CRLF1: variants seen among roughly 807,000 people sequenced by gnomAD.
The protein encoded by CRLF1 is cytokine receptor like factor 1, also known as cytokine receptor-like factor 1.
In CRLF1, 36 loss-of-function variants were observed where a neutral mutation model predicts 48.9. That is an observed-to-expected ratio of 0.74 (90% CI 0.56 to 0.97). CRLF1 has a LOEUF of 0.97. CRLF1 is among the 50% of genes least tolerant of loss of function. The pLI is 0.00. For missense variants in CRLF1, 534 were observed against 575.1 expected, an observed-to-expected ratio of 0.93 and a Z score of 0.73; for synonymous variants, 256 against 253.4, an observed-to-expected ratio of 1.01 and a Z score of -0.10.
chr19:18,593,712 C>A, intron 8 of CRLF1, 133 bp from the exon 9 acceptor site: 1 of 1,526,540 alleles, frequency 6.6e-7, no homozygotes, highest in South Asian at 1.2e-5. Flanking sequence ...GGGTCCTGCC[C>A]CTCTCCGGGC....
intron 6 of CRLF1, among the ~76,000 whole-genome samples, chr19:18,594,801 GAA>G (rs1302485556): frequency 2.0e-5 from 3 of 152,138 alleles, no homozygotes; most frequent in Non-Finnish European, 4.4e-5. Context: ...CCGAAAAAGA[GAA>G]AGGGAGAAAG....
intron 1 of CRLF1, among the ~76,000 whole-genome samples, chr19:18,600,262 G>C (rs910295031): frequency 1.3e-5 from 2 of 151,952 alleles, no homozygotes; most frequent in Non-Finnish European, 2.9e-5. Context: ...GCAGTGGCAC[G>C]ATCTCGGCTC....
At chr19:18,593,647 A>C in intron 8 of CRLF1, 68 bp from the exon 9 acceptor site, 3 of 1,560,086 alleles carry the variant, frequency 1.9e-6, no homozygotes, top group Non-Finnish European at 2.6e-6. Context: ...GAGCCACTGA[A>C]GGAGGCTTCA....
At chr19:18,595,800 A>C (rs925131368) in intron 6 of CRLF1, among the ~76,000 whole-genome samples, 1 of 152,236 alleles carries the variant, frequency 6.6e-6, no homozygotes, top group Non-Finnish European at 1.5e-5. Context: ...GAGAAATCCC[A>C]GACAGCAAGA....
intron 8 of CRLF1, 33 bp downstream of exon 8, chr19:18,594,032 T>TTGGCGGCC: frequency 1.4e-6 from 1 of 695,810 alleles, no homozygotes; most frequent in Non-Finnish European, 2.2e-6. Context: ...CTCCCCTTGC[T>TTGGCGGCC]CCCTCCCGCC....
chr19:18,605,881 A>T (rs1279791502), intron 1 of CRLF1, among the ~76,000 whole-genome samples: 4 of 151,718 alleles, frequency 2.6e-5, no homozygotes, highest in African/African-American at 9.7e-5. Flanking sequence ...CCTCTCACCC[A>T]CTCGCTCACA....
In CRLF1 at chr19:18,606,736, G is replaced by A. The variant is rs1221693079; in HGVS notation, c.-80C>T. 6.2e-6 allele frequency: 1 copy of A among 162,510 alleles called. No individual in the cohort carries two copies. Among genetic ancestry groups the A allele is most frequent in the African/African-American group, 2.4e-5 (1 of 40,904 alleles). The allele number at this position is 162,510 out of a possible 1,614,324, so 10.1% of individuals were successfully genotyped here. The stretch of plus-strand genomic sequence containing the variant: ...AGGGCGCGGGACGCAGGCCGGGCGC[G>A]GGAGGGCGCGGGCCAGGCCGCCCGC... On this transcript the variant is annotated 5_prime_UTR_variant, in exon 1 of 9. Transcript: ENST00000392386. The surrounding 1 kb of genome is among the most constrained non-coding windows in gnomAD (Gnocchi z 4.8).
At chr19:18,601,940 C>T (rs1344870631) in intron 1 of CRLF1, among the ~76,000 whole-genome samples, 3 of 152,184 alleles carry the variant, frequency 2.0e-5, no homozygotes, top group Non-Finnish European at 2.9e-5. Flanking sequence ...GCAAACTGCA[C>T]GTCCCCAACT....
chr19:18,601,346 G>A (rs1370797603), intron 1 of CRLF1, among the ~76,000 whole-genome samples: 1 of 151,580 alleles, frequency 6.6e-6, no homozygotes, highest in African/African-American at 2.4e-5. Flanking sequence ...GCACGATCTC[G>A]GCTCACCGCA....
At position 18,593,402 on chromosome 19, in the gene CRLF1, C is replaced by T. The variant is rs1976081966; in HGVS notation, c.*164G>A. ...ACTGGGGTGCACCCAAAGGTGGCCT[C>T]ACGTGGGAGTCAGAGCTGTTATGGC... On this transcript the variant is annotated 3_prime_UTR_variant, in exon 9 of 9. Coordinates refer to ENST00000392386, the MANE Select transcript of CRLF1 (RefSeq NM_004750.5). 1.3e-5 allele frequency: 12 copies of T among 953,878 alleles called. No homozygotes were observed. Among genetic ancestry groups the T allele is most frequent in the Non-Finnish European group, 1.9e-5 (12 of 636,794 alleles). The allele number at this position is 953,878 out of a possible 1,614,324, so 59.1% of individuals were successfully genotyped here. A position where few individuals can be genotyped will look rare whatever the true frequency, so the allele number is the denominator to read the frequency against.
chr19:18,593,942 G>A, intron 8 of CRLF1, 123 bp downstream of exon 8: 1 of 1,486,700 alleles, frequency 6.7e-7, no homozygotes, highest in Non-Finnish European at 9.1e-7. Context: ...GGAAGAGGAC[G>A]GATTCCATCT....
intron 1 of CRLF1, among the ~76,000 whole-genome samples, chr19:18,600,369 T>C (rs1976204819): frequency 7.2e-6 from 1 of 138,194 alleles, no homozygotes; most frequent in Non-Finnish European, 1.6e-5. Context: ...TGACTAACTT[T>C]TGTATTTTTT....
intron 8 of CRLF1, 35 bp downstream of exon 8, chr19:18,594,030 G>GCGGGGGGGCCCCCCCCCCCCCCC: frequency 7.6e-7 from 1 of 1,315,314 alleles, no homozygotes; most frequent in East Asian, 2.6e-5. Flanking sequence ...CCCTCCCCTT[G>GCGGGGGGGCCCCCCCCCCCCCCC]CTCCCTCCCG....
In CRLF1 at chr19:18,593,241, C is replaced by T. The variant is rs952936633; in HGVS notation, c.*325G>A. The T allele has an allele frequency of 1.4e-5, 5 of 358,120 alleles. No homozygotes were observed. Among genetic ancestry groups the T allele is most frequent in the African/African-American group, 2.1e-5 (1 of 48,712 alleles). 22.2% of individuals were successfully genotyped at this position (358,120 alleles called of 1,614,324 possible). ...AAACTCACCTTCACAATCACAGCACCTAAATAGCTCATTTATTTAAAAGGA... is the reference window on the plus strand; with the variant it reads ...AAACTCACCTTCACAATCACAGCACTTAAATAGCTCATTTATTTAAAAGGA... On this transcript the variant is annotated 3_prime_UTR_variant, in exon 9 of 9. Transcript: ENST00000392386.
At chr19:18,601,112 A>G (rs901802632) in intron 1 of CRLF1, among the ~76,000 whole-genome samples, 1 of 151,926 alleles carries the variant, frequency 6.6e-6, no homozygotes, top group Non-Finnish European at 1.5e-5. Context: ...AGCCTTCTTT[A>G]TTTTTCATTC....
intron 6 of CRLF1, 75 bp downstream of exon 6, chr19:18,596,547 A>G: frequency 1.9e-6 from 3 of 1,544,278 alleles, no homozygotes; most frequent in Non-Finnish European, 2.6e-6. Flanking sequence ...AAAAAAGAAA[A>G]GAAAACAAGG....
chr19:18,598,452 G>C lies in CRLF1; in HGVS notation c.677C>G (p.Thr226Arg), dbSNP rs781552408. ...CTCACCCACATCCAGGATATCCAGC[G>C]TGAGTACATCGGAGCGGGCAGAGCC... ...RLGSARSDVL[T>R]LDILDVVTTD... is the part of the protein sequence containing the mutation. Residue 226 changes from threonine to arginine, a missense_variant, in exon 4 of 9, where the codon ACG becomes AGG. By Grantham distance (71) the Thr-to-Arg change is moderately conservative. Transcript: ENST00000392386. The C allele has an allele frequency of 1.2e-6, 2 of 1,613,906 alleles. No individual in the cohort carries two copies. The highest frequency in any genetic ancestry group is 1.7e-5 in the Admixed American group (1 of 60,016).
intron 2 of CRLF1, chr19:18,599,123 C>T (rs1196908344): frequency 6.1e-6 from 6 of 985,002 alleles, no homozygotes; most frequent in South Asian, 4.7e-5. Flanking sequence ...TTTCTTTTTT[C>T]GAGGCAAAGT....
In CRLF1 at chr19:18,594,426, C is replaced by T. The variant is rs1360527762; in HGVS notation, c.1033G>A (p.Gly345Ser). The T allele has an allele frequency of 6.7e-7, 1 of 1,491,090 alleles. No individual in the cohort carries two copies. Among genetic ancestry groups the T allele is most frequent in the Non-Finnish European group, 8.9e-7 (1 of 1,119,294 alleles). The allele number at this position is 1,491,090 out of a possible 1,614,324, so 92.4% of individuals were successfully genotyped here. Residue 345 changes from glycine (G) to serine (S), a missense_variant, in exon 7 of 9, where the codon GGC becomes AGC. Gly to Ser is a moderately conservative substitution (Grantham distance 56, BLOSUM62 0). Coordinates refer to ENST00000392386, the MANE Select transcript of CRLF1 (RefSeq NM_004750.5). ...AASTPRSERP[G>S]PGGGACEPRG... ...GGTTCGCACGCCCCGCCGCCCGGGC[C>T]CGGGCGCTCTGGTGGTGGGCGGAGC...
Sources: allele counts gnomAD v4.1 joint callset (sites outside exome capture counted in the v4.1 genomes callset), GRCh38; gene constraint gnomAD v4.1.1; non-coding constraint Gnocchi (gnomAD v3.1); transcripts MANE v1.5; gene names NCBI Gene and HGNC (gene_info 2026-07-23, HGNC 2026-07-21).